The following ELP4 variants were observed in gnomAD, a reference collection of about 807,000 sequenced individuals.
ELP4 encodes elongator complex protein 4.
In ELP4, 51 loss-of-function variants were observed where a neutral mutation model predicts 48.9. The ratio of observed to expected loss-of-function variants is 1.04; its 90% CI spans 0.83 to 1.32. The LOEUF is 1.32. Among genes scored for constraint, ELP4 ranks in the 40% most tolerant of loss-of-function variants. The probability of loss-of-function intolerance (pLI) is 0.00; values close to 1 mark genes in which losing one functional copy is unlikely to be tolerated. For missense variants in ELP4, 519 were observed against 514.6 expected, an observed-to-expected ratio of 1.01 and a Z score of -0.08; for synonymous variants, 210 against 189.2, an observed-to-expected ratio of 1.11 and a Z score of -0.90.
intron 9 of ELP4, among the ~76,000 whole-genome samples, chr11:31,661,461 A>G (rs548896042): frequency 1.3e-5 from 2 of 152,046 alleles, no homozygotes; most frequent in East Asian, 1.9e-4. Flanking sequence ...CACGGAAAAC[A>G]TCATGCATTT....
chr11:31,587,228 A>G (rs1957491030), intron 3 of ELP4, among the ~76,000 whole-genome samples: 1 of 152,222 alleles, frequency 6.6e-6, no homozygotes, highest in African/African-American at 2.4e-5. Flanking sequence ...GTAACTCAAG[A>G]AAGGTGGACC....
Position 31,789,516 on chromosome 11 carries a change from C to T in ELP4, c.*5992C>T, listed in dbSNP as rs867139112. 3.9e-5 allele frequency: 23 copies of T among 589,478 alleles called. No homozygotes were observed. The highest frequency in any genetic ancestry group is 6.4e-5 in the Admixed American group (2 of 31,414). 36.5% of individuals were successfully genotyped at this position (589,478 alleles called of 1,614,324 possible). On this transcript the variant is annotated 3_prime_UTR_variant, in exon 10 of 10. Transcript: ENST00000640961. ...CTATGAACAGATGGGTAGAAGTATT[C>T]GATATATCTTGATAAAACTCTTAAA... is the stretch of plus-strand genomic sequence containing the variant.
At chr11:31,564,308 A>G (rs1424422294) in intron 3 of ELP4, among the ~76,000 whole-genome samples, 2 of 152,050 alleles carry the variant, frequency 1.3e-5, no homozygotes, top group Non-Finnish European at 2.9e-5. Flanking sequence ...AACCACTGAA[A>G]CAGAATTTTT....
intron 1 of ELP4, among the ~76,000 whole-genome samples, chr11:31,516,420 A>G (rs2133872532): frequency 6.6e-6 from 1 of 152,344 alleles, no homozygotes; most frequent in East Asian, 1.9e-4. Context: ...AGATGTTCAA[A>G]TGAATTATAA....
At chr11:31,719,709 A>G (rs938767517) in intron 9 of ELP4, 3 of 364,808 alleles carry the variant, frequency 8.2e-6, no homozygotes, top group Non-Finnish European at 1.5e-5. Context: ...TTTTTTAAAA[A>G]CAACCATAAA....
intron 3 of ELP4, among the ~76,000 whole-genome samples, chr11:31,580,438 A>G (rs1342239979): frequency 1.3e-5 from 2 of 152,282 alleles, no homozygotes; most frequent in African/African-American, 2.4e-5. Context: ...ATAGACCACT[A>G]TCAGTTTATT....
At chr11:31,554,333 C>T (rs1956897254) in intron 3 of ELP4, among the ~76,000 whole-genome samples, 1 of 152,114 alleles carries the variant, frequency 6.6e-6, no homozygotes, top group Non-Finnish European at 1.5e-5. Flanking sequence ...TTCTCTTGCT[C>T]TAGAATAGCA....
At position 31,617,811 on chromosome 11, in the gene ELP4, C is replaced by G. The variant is rs147004045; in HGVS notation, c.654-9299C>G. Among the ~76,000 whole-genome samples, 513 of 149,274 alleles carry G rather than the reference C, an allele frequency of 3.4e-3. 5 individuals are homozygous for G. The highest frequency in any genetic ancestry group is 0.012 in the African/African-American group (488 of 40,824). ...TCTAGGATAGCTAGAATTAAAGAATCAGATAATAACAAGTGTTGACAAGGA... is the reference window on the plus strand; with the variant it reads ...TCTAGGATAGCTAGAATTAAAGAATGAGATAATAACAAGTGTTGACAAGGA... On this transcript the variant is annotated intron_variant, in intron 5 of 9. Coordinates refer to ENST00000640961, the MANE Select transcript of ELP4 (RefSeq NM_019040.5).
chr11:31,620,747 C>T (rs1944602948), intron 5 of ELP4, among the ~76,000 whole-genome samples: 1 of 151,900 alleles, frequency 6.6e-6, no homozygotes, highest in Non-Finnish European at 1.5e-5. Flanking sequence ...AGGATCATAA[C>T]CCCTCTTAAT....
chr11:31,702,569 T>C (rs913446681), intron 9 of ELP4, among the ~76,000 whole-genome samples: 3 of 152,118 alleles, frequency 2.0e-5, no homozygotes, highest in African/African-American at 7.2e-5. Context: ...CTATGTATAT[T>C]TTACCACTGT....
At chr11:31,659,676 A>G (rs1945511812) in intron 9 of ELP4, among the ~76,000 whole-genome samples, 1 of 152,106 alleles carries the variant, frequency 6.6e-6, no homozygotes, top group East Asian at 1.9e-4. Context: ...AGAGAAGTAT[A>G]TTTTACTACG....
intron 3 of ELP4, among the ~76,000 whole-genome samples, chr11:31,585,456 A>G (rs910415982): frequency 9.2e-5 from 14 of 151,910 alleles, no homozygotes; most frequent in Admixed American, 7.2e-4. Context: ...AAAAGATTGC[A>G]CTTAATTTTG....
intron 9 of ELP4, among the ~76,000 whole-genome samples, chr11:31,750,077 G>C (rs1044031611): frequency 6.6e-6 from 1 of 151,942 alleles, no homozygotes; most frequent in Admixed American, 6.6e-5. Flanking sequence ...TGTTAGCCAG[G>C]ATGGTCTCAA....
intron 3 of ELP4, among the ~76,000 whole-genome samples, chr11:31,567,158 C>T (rs12272315): frequency 1.6e-3 from 238 of 152,094 alleles, no homozygotes; most frequent in African/African-American, 5.6e-3. Context: ...GTCTCGAACT[C>T]CTAACCTCAG....
intron 9 of ELP4, among the ~76,000 whole-genome samples, chr11:31,723,653 A>G (rs1413475087): frequency 6.6e-6 from 1 of 152,230 alleles, no homozygotes; most frequent in Non-Finnish European, 1.5e-5. Flanking sequence ...TGCCATCATT[A>G]TCCCCATTTT....
chr11:31,530,996 A>C (rs1359203131), intron 2 of ELP4, among the ~76,000 whole-genome samples: 2 of 152,164 alleles, frequency 1.3e-5, no homozygotes, highest in Non-Finnish European at 2.9e-5. Flanking sequence ...TATCATTTTT[A>C]CTTGCCCAGT....
At chr11:31,546,521 C>A (rs1592103135) in intron 3 of ELP4, among the ~76,000 whole-genome samples, 1 of 152,198 alleles carries the variant, frequency 6.6e-6, no homozygotes, top group East Asian at 1.9e-4. Context: ...CTTAGACTCC[C>A]ACACATTAAT....
Position 31,603,835 on chromosome 11 carries a change from T to C in ELP4, c.581T>C (p.Leu194Pro). 6.2e-7 allele frequency: 1 copy of C among 1,611,548 alleles called. No homozygotes were observed. The highest frequency in any genetic ancestry group is 1.1e-5 in the South Asian group (1 of 90,846). ...GCATCAAAAAGAATGCCACAAGAAC[T>C]AATTGAGGCTTCAAATTGGCATGGA... ...YDASKRMPQE[L>P]IEASNWHGFF... Residue 194 changes from leucine (L) to proline (P), a missense_variant, in exon 5 of 10, where the codon CTA becomes CCA. Coordinates refer to ENST00000640961, the MANE Select transcript of ELP4 (RefSeq NM_019040.5).
At chr11:31,746,452 G>A (rs546603524) in intron 9 of ELP4, among the ~76,000 whole-genome samples, 27 of 152,200 alleles carry the variant, frequency 1.8e-4, no homozygotes, top group South Asian at 6.2e-4. Flanking sequence ...TGTTTATTGC[G>A]TCACTATTCA....
Sources: gnomAD v4.1 joint callset for allele counts (sites outside exome capture counted in the v4.1 genomes callset) on GRCh38, gnomAD v4.1.1 for gene constraint, MANE v1.5 for transcripts, NCBI Gene and HGNC (gene_info 2026-07-23, HGNC 2026-07-21) for gene names.